C1orf198: variants seen among roughly 807,000 people sequenced by gnomAD.
C1orf198 encodes uncharacterized protein C1orf198.
C1orf198 carries 17 observed loss-of-function variants against 31.4 expected under a neutral mutation model. The observed-to-expected ratio is 0.54, with a 90% CI of 0.37 to 0.81. The LOEUF (loss-of-function observed/expected upper bound fraction) is 0.81, where lower values mean the gene tolerates loss of function less well. C1orf198 is among the 40% of genes least tolerant of loss of function. The pLI, the probability that C1orf198 is intolerant of heterozygous loss-of-function variation, is 0.00. For missense variants in C1orf198, 401 were observed against 450.3 expected, an observed-to-expected ratio of 0.89 and a Z score of 0.99; for synonymous variants, 175 against 193.8, an observed-to-expected ratio of 0.90 and a Z score of 0.81.
Position 230,839,363 on chromosome 1 carries a change from C to T in C1orf198, c.*489G>A, listed in dbSNP as rs41271501. 5.4e-3 allele frequency: 869 copies of T among 162,116 alleles called. 7 individuals are homozygous for T. Among genetic ancestry groups the T allele is most frequent in the South Asian group, 0.023 (126 of 5,420 alleles). The allele number at this position is 162,116 out of a possible 1,614,324, so 10.0% of individuals were successfully genotyped here. ...AGCTGCGAGCGCTGGCTGAGAACGTCGCTGGGGGCCAGTCTTTCCGGGGTC... is the reference window on the plus strand; with the variant it reads ...AGCTGCGAGCGCTGGCTGAGAACGTTGCTGGGGGCCAGTCTTTCCGGGGTC... On this transcript the variant is annotated 3_prime_UTR_variant, in exon 4 of 4. Coordinates refer to ENST00000366663, the MANE Select transcript of C1orf198 (RefSeq NM_032800.3).
rs780523580 is a variant in C1orf198, at chr1:230,868,350, C to T, written c.163G>A (p.Gly55Arg). The T allele has an allele frequency of 1.8e-5, 28 of 1,596,928 alleles. No homozygotes were observed. The highest frequency in any genetic ancestry group is 2.4e-5 in the Non-Finnish European group (28 of 1,172,716). Residue 55 changes from glycine (G) to arginine (R), a missense_variant, in exon 1 of 4, where the codon GGG becomes AGG. Gly to Arg is a moderately radical substitution (Grantham distance 125). Coordinates refer to ENST00000366663, the MANE Select transcript of C1orf198 (RefSeq NM_032800.3). ...GGCGGCAGCCGCGCCCACTCGGGCC[C>T]GTACTTCTCGCGGATCTTCTCCTTG... Reference protein sequence around the residue: ...QDKEKIREKYGPEWARLPPAQ... With the variant: ...QDKEKIREKYRPEWARLPPAQ...
intron 2 of C1orf198, 110 bp downstream of exon 2, chr1:230,855,558 C>T: frequency 3.4e-6 from 4 of 1,168,002 alleles, no homozygotes; most frequent in South Asian, 1.5e-5. Context: ...TCCCCTGCAG[C>T]CTGGCAGTCA....
intron 2 of C1orf198, among the ~76,000 whole-genome samples, chr1:230,847,304 A>C (rs1475994622): frequency 3.3e-5 from 5 of 152,006 alleles, no homozygotes; most frequent in Non-Finnish European, 7.4e-5. Flanking sequence ...AAAAAAAAGA[A>C]ACAGCCATCA....
intron 2 of C1orf198, among the ~76,000 whole-genome samples, chr1:230,846,448 T>C (rs1232641102): frequency 6.6e-6 from 1 of 152,252 alleles, no homozygotes; most frequent in Non-Finnish European, 1.5e-5. Context: ...GGCAGGTGCA[T>C]ATTTGTCAGG....
At chr1:230,844,993 A>G (rs1669548096) in intron 2 of C1orf198, among the ~76,000 whole-genome samples, 1 of 152,174 alleles carries the variant, frequency 6.6e-6, no homozygotes, top group Non-Finnish European at 1.5e-5. Flanking sequence ...TGTAATCTCA[A>G]TCATTTCTAA....
At chr1:230,853,366 T>A (rs1169927769) in intron 2 of C1orf198, among the ~76,000 whole-genome samples, 1 of 152,050 alleles carries the variant, frequency 6.6e-6, no homozygotes, top group Non-Finnish European at 1.5e-5. Context: ...ACCTCCTGTT[T>A]GTGGCTCTCC....
chr1:230,844,005 C>T, intron 2 of C1orf198, 109 bp from the exon 3 acceptor site: 1 of 1,168,900 alleles, frequency 8.6e-7, no homozygotes, highest in Non-Finnish European at 1.2e-6. Flanking sequence ...CGCACACCAG[C>T]CACACACGAG....
chr1:230,843,550 C>G lies in C1orf198; in HGVS notation c.731G>C (p.Arg244Thr), dbSNP rs1370396180. ...APKDREAKVE[R>T]PSTLRQEQRP... Reference sequence around the variant, plus strand: ...CTGCTCCTGACGGAGGGTGCTGGGCCTTTCCACCTTGGCCTCCCTGTCCTT... The same window carrying G: ...CTGCTCCTGACGGAGGGTGCTGGGCGTTTCCACCTTGGCCTCCCTGTCCTT... The change falls in exon 3 of 4, where the codon AGG becomes ACG. Residue 244 changes from arginine to threonine, a missense_variant. By Grantham distance (71) the Arg-to-Thr change is moderately conservative. Transcript: ENST00000366663. This position sits in a 1 kb window ranked among gnomAD's most constrained non-coding sequence, Gnocchi z 4.9. The G allele has an allele frequency of 2.5e-6, 4 of 1,613,524 alleles. No individual in the cohort carries two copies. In the African/African-American group the frequency reaches 5.3e-5, roughly 22 times the overall value.
At chr1:230,853,191 A>G (rs984254400) in intron 2 of C1orf198, among the ~76,000 whole-genome samples, 1 of 152,102 alleles carries the variant, frequency 6.6e-6, no homozygotes, top group African/African-American at 2.4e-5. Flanking sequence ...GACCCACACA[A>G]TCATGAGCAC....
rs765408550 is a variant in C1orf198 at position 230,839,371 on chromosome 1, G to C, written c.*481C>G. ...GCGCTGGCTGAGAACGTCGCTGGGG[G>C]CCAGTCTTTCCGGGGTCACAGCCAG... On this transcript the variant is annotated 3_prime_UTR_variant, in exon 4 of 4. Transcript: ENST00000366663. 5.3e-4 allele frequency: 87 copies of C among 162,898 alleles called. No homozygotes were observed. The highest frequency in any genetic ancestry group is 8.3e-4 in the Non-Finnish European group (63 of 76,070). The allele number at this position is 162,898 out of a possible 1,614,324, so 10.1% of individuals were successfully genotyped here.
chr1:230,867,902 G>A (rs992637523), intron 1 of C1orf198, among the ~76,000 whole-genome samples: 2 of 152,102 alleles, frequency 1.3e-5, no homozygotes, highest in Non-Finnish European at 2.9e-5. Context: ...CGACAGCTCC[G>A]GGAGAAGTCT....
At position 230,843,629 on chromosome 1, in the gene C1orf198, T is replaced by C. The variant is rs767541103; in HGVS notation, c.652A>G (p.Met218Val). Residue 218 changes from methionine (M) to valine (V), a missense_variant, in exon 3 of 4, where the codon ATG becomes GTG. Coordinates refer to ENST00000366663, the MANE Select transcript of C1orf198 (RefSeq NM_032800.3). The surrounding 1 kb of genome is among the most constrained non-coding windows in gnomAD (Gnocchi z 4.9). ...GGCAAGACCTTTTCCCCCTTCTCCATGGACTTGATCTGGCTAGGGGTCAGC... is the reference window on the plus strand; with the variant it reads ...GGCAAGACCTTTTCCCCCTTCTCCACGGACTTGATCTGGCTAGGGGTCAGC... The part of the protein sequence containing the change: ...QSLTPSQIKS[M>V]EKGEKVLPPC... 1 of 1,614,232 alleles carries C rather than the reference T, an allele frequency of 6.2e-7. No individual in the cohort carries two copies. Among genetic ancestry groups the C allele is most frequent in the Admixed American group, 1.7e-5 (1 of 60,032 alleles).
At chr1:230,841,256 G>A (rs1357529717) in intron 3 of C1orf198, among the ~76,000 whole-genome samples, 1 of 152,176 alleles carries the variant, frequency 6.6e-6, no homozygotes, top group East Asian at 1.9e-4. Flanking sequence ...GCTTAAGAAG[G>A]TGCAGAAACA....
chr1:230,858,184 G>C (rs1172933577), intron 1 of C1orf198, among the ~76,000 whole-genome samples: 1 of 152,118 alleles, frequency 6.6e-6, no homozygotes, highest in Non-Finnish European at 1.5e-5. Flanking sequence ...AGCTCTAGGG[G>C]GCTCCTTGTC....
chr1:230,858,532 G>A (rs1669931209), intron 1 of C1orf198, among the ~76,000 whole-genome samples: 1 of 152,170 alleles, frequency 6.6e-6, no homozygotes, highest in Non-Finnish European at 1.5e-5. Context: ...CATCCACAGG[G>A]TAGAGTAGAG....
intron 2 of C1orf198, among the ~76,000 whole-genome samples, chr1:230,855,401 C>A (rs1405661697): frequency 6.6e-6 from 1 of 152,194 alleles, no homozygotes; most frequent in Non-Finnish European, 1.5e-5. Context: ...GCCGGGAGTC[C>A]TAGACAATGG....
intron 1 of C1orf198, among the ~76,000 whole-genome samples, chr1:230,856,353 A>AC (rs1010981280): frequency 1.3e-5 from 2 of 151,000 alleles, no homozygotes; most frequent in African/African-American, 4.9e-5. Context: ...ATCACTCCCC[A>AC]CCCCCACCAA....
chr1:230,855,873 C>G (rs1238308946), intron 1 of C1orf198, 155 bp from the exon 2 acceptor site: 1 of 1,451,550 alleles, frequency 6.9e-7, no homozygotes, highest in African/African-American at 1.4e-5. Context: ...ATATAATGCG[C>G]TGACCGTCTT....
In C1orf198 at chr1:230,843,606, C is replaced by T. The variant is rs1382180808; in HGVS notation, c.675G>A (p.Leu225=). The part of the protein sequence containing the change: ...IKSMEKGEKV[L]PPCYRQEPAP... The stretch of plus-strand genomic sequence containing the variant: ...CAGGTTCCTGCCGGTAGCAGGGAGG[C>T]AAGACCTTTTCCCCCTTCTCCATGG... The change falls in exon 3 of 4, where the codon TTG becomes TTA. Residue 225 remains leucine, a synonymous_variant. Coordinates refer to ENST00000366663, the MANE Select transcript of C1orf198 (RefSeq NM_032800.3). This position sits in a 1 kb window ranked among gnomAD's most constrained non-coding sequence, Gnocchi z 4.9. 4 of 1,614,104 alleles carry T rather than the reference C, an allele frequency of 2.5e-6. No homozygotes were observed. Among genetic ancestry groups the T allele is most frequent in the Middle Eastern group, 1.6e-4 (1 of 6,084 alleles).
Sources: allele counts gnomAD v4.1 joint callset (sites outside exome capture counted in the v4.1 genomes callset), GRCh38; gene constraint gnomAD v4.1.1; non-coding constraint Gnocchi (gnomAD v3.1); transcripts MANE v1.5; gene names NCBI Gene and HGNC (gene_info 2026-07-23, HGNC 2026-07-21).